UBASH3B: variants seen among roughly 807,000 people sequenced by gnomAD.
UBASH3B encodes the protein ubiquitin-associated and SH3 domain-containing protein B.
UBASH3B carries 37 observed loss-of-function variants against 83.4 expected under a neutral mutation model. That is an observed-to-expected ratio of 0.44 (90% CI 0.34 to 0.58). The LOEUF (loss-of-function observed/expected upper bound fraction) is 0.58. Among genes scored for constraint, UBASH3B ranks in the 20% least tolerant of loss-of-function variants. The pLI is 0.01. For missense variants in UBASH3B, 657 were observed against 827.2 expected (o/e 0.79, Z 2.52); for synonymous variants, 304 against 318.3 (o/e 0.96, Z 0.48).
intron 1 of UBASH3B, among the ~76,000 whole-genome samples, chr11:122,678,523 CT>C (rs1863696223): frequency 6.6e-6 from 1 of 152,206 alleles, no homozygotes; most frequent in African/African-American, 2.4e-5. Flanking sequence ...TTTCCTAGGT[CT>C]CTCACTAACC....
chr11:122,656,921 G>T (rs1863372343), intron 1 of UBASH3B, among the ~76,000 whole-genome samples: 1 of 152,230 alleles, frequency 6.6e-6, no homozygotes, highest in Non-Finnish European at 1.5e-5. Context: ...TAGGAGAGTG[G>T]GGTAGGGGAG....
At chr11:122,762,485 A>T (rs1565555630) in intron 1 of UBASH3B, among the ~76,000 whole-genome samples, 1 of 152,166 alleles carries the variant, frequency 6.6e-6, no homozygotes, top group Non-Finnish European at 1.5e-5. Flanking sequence ...CGCTCAGCAA[A>T]AATGCACACC....
chr11:122,770,963 C>T (rs1177037625), intron 1 of UBASH3B, among the ~76,000 whole-genome samples: 2 of 152,182 alleles, frequency 1.3e-5, no homozygotes, highest in Non-Finnish European at 2.9e-5. Flanking sequence ...TCTGAACATG[C>T]CTCTCTAGCT....
chr11:122,798,032 C>G (rs1282723341), intron 9 of UBASH3B, among the ~76,000 whole-genome samples: 2 of 152,156 alleles, frequency 1.3e-5, no homozygotes, highest in Non-Finnish European at 2.9e-5. Context: ...CACCTATAAT[C>G]TAGCACTTTG....
chr11:122,789,669 C>T (rs1056292585), intron 6 of UBASH3B, among the ~76,000 whole-genome samples: 20 of 152,090 alleles, frequency 1.3e-4, no homozygotes, highest in Admixed American at 3.3e-4. Flanking sequence ...TCTGATTTCC[C>T]GAAGCAGCTG....
At chr11:122,682,577 C>T (rs1462724044) in intron 1 of UBASH3B, among the ~76,000 whole-genome samples, 6 of 152,164 alleles carry the variant, frequency 3.9e-5, no homozygotes, top group African/African-American at 9.6e-5. Context: ...CTGAGATGCA[C>T]GTCTCTTTCT....
intron 1 of UBASH3B, among the ~76,000 whole-genome samples, chr11:122,698,969 C>T (rs960939552): frequency 6.6e-6 from 1 of 152,122 alleles, no homozygotes; most frequent in African/African-American, 2.4e-5. Context: ...CGTGCCTCAG[C>T]CCCCTGAATA....
chr11:122,689,063 G>T (rs1022268908), intron 1 of UBASH3B, among the ~76,000 whole-genome samples: 1 of 151,440 alleles, frequency 6.6e-6, no homozygotes, highest in African/African-American at 2.4e-5. Context: ...CCCTCTCAAA[G>T]TGCTGGGATT....
intron 2 of UBASH3B, 72 bp downstream of exon 2, chr11:122,776,344 G>T: frequency 1.4e-6 from 2 of 1,416,856 alleles, no homozygotes; most frequent in Non-Finnish European, 1.9e-6. Context: ...GAGTGGGGAG[G>T]TGCAGACTTT....
intron 10 of UBASH3B, among the ~76,000 whole-genome samples, chr11:122,800,225 C>G (rs1289819866): frequency 6.6e-6 from 1 of 152,052 alleles, no homozygotes; most frequent in African/African-American, 2.4e-5. Context: ...GTAAGGCCAT[C>G]ATGGAATTTG....
chr11:122,701,329 C>G (rs1864037854), intron 1 of UBASH3B, among the ~76,000 whole-genome samples: 1 of 152,072 alleles, frequency 6.6e-6, no homozygotes, highest in African/African-American at 2.4e-5. Flanking sequence ...ATATGAAGTG[C>G]AAAAAGTTGA....
intron 9 of UBASH3B, 32 bp downstream of exon 9, chr11:122,797,065 AT>A: frequency 6.5e-7 from 1 of 1,535,766 alleles, no homozygotes; most frequent in Non-Finnish European, 8.8e-7. Context: ...CACTCCAGGC[AT>A]TTCTTGCCTC....
At chr11:122,793,370 C>CAAT (rs747383650) in intron 6 of UBASH3B, among the ~76,000 whole-genome samples, 4 of 152,082 alleles carry the variant, frequency 2.6e-5, no homozygotes, top group Non-Finnish European at 4.4e-5. Flanking sequence ...GCGACAAGAG[C>CAAT]AATACTCCGT....
intron 1 of UBASH3B, among the ~76,000 whole-genome samples, chr11:122,730,677 C>A (rs1860828634): frequency 6.6e-6 from 1 of 151,924 alleles, no homozygotes; most frequent in Non-Finnish European, 1.5e-5. Context: ...CTCATTGCAA[C>A]CTCTGCCTCC....
At position 122,813,452 on chromosome 11, in the gene UBASH3B, C is replaced by T. The variant is rs893645032; in HGVS notation, c.*3566C>T. 7 of 152,186 alleles carry T rather than the reference C, an allele frequency of 4.6e-5. No individual in the cohort carries two copies. Among genetic ancestry groups the T allele is most frequent in the Admixed American group, 2.0e-4 (3 of 15,276 alleles). 9.4% of individuals were successfully genotyped at this position (152,186 alleles called of 1,614,324 possible). A position where few individuals can be genotyped will look rare whatever the true frequency, so the allele number is the denominator to read the frequency against. Reference sequence around the variant, plus strand: ...AATTTCAAAGCAGTGATGAATTGCTCTTTTGAAATTACTCTAAGTAATCCA... The same window carrying T: ...AATTTCAAAGCAGTGATGAATTGCTTTTTTGAAATTACTCTAAGTAATCCA... On this transcript the variant is annotated 3_prime_UTR_variant, in exon 14 of 14. Transcript: ENST00000284273.
intron 4 of UBASH3B, among the ~76,000 whole-genome samples, chr11:122,780,924 G>C (rs1296122914): frequency 6.6e-6 from 1 of 152,210 alleles, no homozygotes; most frequent in Non-Finnish European, 1.5e-5. Flanking sequence ...GCCGCAGTTT[G>C]CTCCTTAGCC....
intron 1 of UBASH3B, among the ~76,000 whole-genome samples, chr11:122,747,525 C>T (rs1397253069): frequency 1.3e-5 from 2 of 152,114 alleles, no homozygotes; most frequent in African/African-American, 2.4e-5. Flanking sequence ...GCTCTGTGTC[C>T]TTAGAGAGTT....
chr11:122,698,874 G>T (rs1863996913), intron 1 of UBASH3B, among the ~76,000 whole-genome samples: 1 of 152,168 alleles, frequency 6.6e-6, no homozygotes, highest in South Asian at 2.1e-4. Context: ...ATTTGAGATG[G>T]AGTTTTGCTC....
At chr11:122,671,770 A>C (rs142505720) in intron 1 of UBASH3B, among the ~76,000 whole-genome samples, 1 of 152,234 alleles carries the variant, frequency 6.6e-6, no homozygotes, top group East Asian at 1.9e-4. Flanking sequence ...GATGGCCTGC[A>C]TTGTGCGTGA....
Sources: gnomAD v4.1 joint callset for allele counts (sites outside exome capture counted in the v4.1 genomes callset) on GRCh38, gnomAD v4.1.1 for gene constraint, MANE v1.5 for transcripts, NCBI Gene and HGNC (gene_info 2026-07-23, HGNC 2026-07-21) for gene names.